PARVB: variants seen among roughly 807,000 people sequenced by gnomAD.
The protein encoded by PARVB is beta-parvin.
In PARVB, 46 loss-of-function variants were observed where a neutral mutation model predicts 47.0. The ratio of observed to expected loss-of-function variants is 0.98; its 90% CI spans 0.77 to 1.25. The LOEUF (loss-of-function observed/expected upper bound fraction) is 1.25. Ranked by LOEUF, PARVB falls within the 50% of genes most tolerant of loss-of-function variation. PARVB has a pLI of 0.00. For missense variants in PARVB, 473 were observed against 471.6 expected (o/e 1.00, Z -0.03); for synonymous variants, 196 against 196.3 (o/e 1.00, Z 0.01).
intron 1 of PARVB, among the ~76,000 whole-genome samples, chr22:44,035,741 G>C (rs2146904921): frequency 6.6e-6 from 1 of 151,930 alleles, no homozygotes; most frequent in Admixed American, 6.6e-5. Flanking sequence ...TGTTATTCAG[G>C]GTTTACGGTA....
intron 1 of PARVB, among the ~76,000 whole-genome samples, chr22:44,025,583 G>T (rs972707564): frequency 1.3e-5 from 2 of 152,162 alleles, no homozygotes; most frequent in African/African-American, 4.8e-5. Flanking sequence ...TTCCAAGAGG[G>T]CAGGGTCTTG....
At chr22:44,003,457 C>A (rs973801963) in intron 2 of PARVB, among the ~76,000 whole-genome samples, 1 of 152,096 alleles carries the variant, frequency 6.6e-6, no homozygotes, top group African/African-American at 2.4e-5. Context: ...AATGGAATTT[C>A]CTGGGATGTT....
At chr22:44,080,757 G>T (rs910289628) in intron 1 of PARVB, among the ~76,000 whole-genome samples, 1 of 152,168 alleles carries the variant, frequency 6.6e-6, no homozygotes, top group Non-Finnish European at 1.5e-5. Context: ...AGAGAGAATG[G>T]TAGAGTCCCG....
intron 4 of PARVB, 95 bp downstream of exon 4, chr22:44,119,235 A>C (rs2052985637): frequency 8.2e-6 from 7 of 855,436 alleles, no homozygotes; most frequent in Non-Finnish European, 1.4e-5. Flanking sequence ...CATCGGCCAC[A>C]GGTCCTAGGA....
chr22:44,149,777 C>T (rs2053762481), intron 9 of PARVB: 1 of 122,772 alleles, frequency 8.1e-6, no homozygotes, highest in Non-Finnish European at 1.7e-5. Flanking sequence ...GGGTGGAGCT[C>T]TCTGTGTTTG....
rs1007443237 is a variant in PARVB, at chr22:44,125,062, G to A, written c.376+5922G>A. Among the ~76,000 whole-genome samples the A allele has an allele frequency of 3.9e-5, 6 of 152,028 alleles. No homozygotes were observed. The highest frequency in any genetic ancestry group is 2.0e-4 in the Admixed American group (3 of 15,256). On this transcript the variant is annotated intron_variant, in intron 4 of 12. Coordinates refer to ENST00000338758, the MANE Select transcript of PARVB (RefSeq NM_013327.5). This position sits in a 1 kb window ranked among gnomAD's most constrained non-coding sequence, Gnocchi z 4.1. ...TCCTAGGCTTGTGACAGGTGGTGGT[G>A]AGGGTGGGGGGATGAGGTGCTGGGG...
upstream of PARVB, among the ~76,000 whole-genome samples, chr22:44,021,551 A>G (rs1157470075): frequency 1.3e-5 from 2 of 152,156 alleles, no homozygotes; most frequent in Non-Finnish European, 2.9e-5. Flanking sequence ...CCAAGGAAAA[A>G]AGAACAAATA....
chr22:44,023,572 T>G (rs140708566), upstream of PARVB, among the ~76,000 whole-genome samples: 1 of 146,382 alleles, frequency 6.8e-6, no homozygotes, highest in South Asian at 2.1e-4. Flanking sequence ...TAAAATAAAA[T>G]AAAATAAAAT....
In PARVB at chr22:44,170,377, C is replaced by T. The variant is rs1003838996; in HGVS notation, c.*1699C>T. On this transcript the variant is annotated 3_prime_UTR_variant, in exon 13 of 13. Coordinates refer to ENST00000338758, the MANE Select transcript of PARVB (RefSeq NM_013327.5). Reference sequence around the variant, plus strand: ...ATATGACCTCATTTAATCTTGATTACCTCCATAAAGACCCTGTCTCCAAAT... The same window carrying T: ...ATATGACCTCATTTAATCTTGATTATCTCCATAAAGACCCTGTCTCCAAAT... 2.0e-5 allele frequency: 3 copies of T among 152,070 alleles called. No individual in the cohort carries two copies. The highest frequency in any genetic ancestry group is 4.4e-5 in the Non-Finnish European group (3 of 68,006). The allele number at this position is 152,070 out of a possible 1,614,324, so 9.4% of individuals were successfully genotyped here.
Position 44,132,926 on chromosome 22 carries a change from C to CGGGAAG in PARVB, c.550_551insGGGAAG (p.His184delinsArgGluAsp). On this transcript the variant is annotated protein_altering_variant, in exon 6 of 13. Transcript: ENST00000338758. ...CGGGAAGAACCTGGTGGCCATCCTC[C>CGGGAAG]ACCTGCTGGTCTCTCTGGCCATGCA... 1 of 1,614,022 alleles carries CGGGAAG rather than the reference C, an allele frequency of 6.2e-7. No individual in the cohort carries two copies. The highest frequency in any genetic ancestry group is 8.5e-7 in the Non-Finnish European group (1 of 1,179,902).
In PARVB at chr22:44,125,161, C is replaced by G. The variant is rs1358736425; in HGVS notation, c.376+6021C>G. 1.3e-5 allele frequency among the ~76,000 whole-genome samples: 2 copies of G among 152,096 alleles called. No homozygotes were observed. Among genetic ancestry groups the G allele is most frequent in the African/African-American group, 4.8e-5 (2 of 41,408 alleles). ...ACATTGTTTGTCCTTATTCATCTGG[C>G]CCTCAGAAAGTATATTTGGAGGGAA... On this transcript the variant is annotated intron_variant, in intron 4 of 12. Coordinates refer to ENST00000338758, the MANE Select transcript of PARVB (RefSeq NM_013327.5). The surrounding 1 kb of genome is among the most constrained non-coding windows in gnomAD (Gnocchi z 4.1).
chr22:44,016,373 G>A (rs1603423038), intron 2 of PARVB, among the ~76,000 whole-genome samples: 3 of 152,232 alleles, frequency 2.0e-5, no homozygotes, highest in African/African-American at 7.2e-5. Flanking sequence ...TGGGATTACA[G>A]GCATGAGCCA....
chr22:44,054,143 A>T (rs2051261120), intron 1 of PARVB, among the ~76,000 whole-genome samples: 1 of 152,090 alleles, frequency 6.6e-6, no homozygotes, highest in African/African-American at 2.4e-5. Flanking sequence ...ATTACTTACA[A>T]TCTGATGAGA....
At chr22:44,019,628 C>T (rs555327174), upstream of PARVB, among the ~76,000 whole-genome samples, 19 of 152,312 alleles carry the variant, frequency 1.2e-4, no homozygotes, top group African/African-American at 4.3e-4. Flanking sequence ...GCTGCTTCTC[C>T]TGGCAAAAGG....
rs371483821 is a variant in PARVB, at chr22:44,113,804, T to C, written c.274-5234T>C. On this transcript the variant is annotated intron_variant, in intron 3 of 12. Coordinates refer to ENST00000338758, the MANE Select transcript of PARVB (RefSeq NM_013327.5). The stretch of plus-strand genomic sequence containing the variant: ...TACATTGTTACTAACTAAGGCCCTG[T>C]ACCAACACAGATACGTTGTTACTAA... 95 of 33,888 alleles carry C rather than the reference T, an allele frequency of 2.8e-3. 1 individual carries two copies. Among genetic ancestry groups the C allele is most frequent in the East Asian group, 5.1e-3 (4 of 784 alleles). 2.1% of individuals were successfully genotyped at this position (33,888 alleles called of 1,614,324 possible). A position where few individuals can be genotyped will look rare whatever the true frequency, so the allele number is the denominator to read the frequency against.
intron 1 of PARVB, among the ~76,000 whole-genome samples, chr22:44,066,822 CTTCCTCCTCCAT>C (rs1569088073): frequency 8.6e-6 from 1 of 116,096 alleles, no homozygotes; most frequent in Non-Finnish European, 1.8e-5. Flanking sequence ...TCCTCCTCCT[CTTCCTCCTCCAT>C]CTCCTCCTCT....
chr22:44,128,971 G>A (rs576486171), intron 4 of PARVB, among the ~76,000 whole-genome samples: 13 of 152,268 alleles, frequency 8.5e-5, no homozygotes, highest in Middle Eastern at 3.4e-3. Flanking sequence ...CCAGCTACTC[G>A]GGAGGCTGAG....
chr22:44,139,957 G>T (rs992986295), intron 7 of PARVB, 167 bp from the exon 8 acceptor site: 2 of 493,512 alleles, frequency 4.1e-6, no homozygotes, highest in Non-Finnish European at 7.5e-6. Flanking sequence ...ATTAGAGCAG[G>T]CTGGAACACA....
chr22:44,076,458 C>T (rs946382264), intron 1 of PARVB, among the ~76,000 whole-genome samples: 3 of 152,222 alleles, frequency 2.0e-5, no homozygotes, highest in Non-Finnish European at 4.4e-5. Flanking sequence ...ACAGGCTCTT[C>T]CCTCCGGAGG....
Sources: allele counts gnomAD v4.1 joint callset (sites outside exome capture counted in the v4.1 genomes callset), GRCh38; gene constraint gnomAD v4.1.1; non-coding constraint Gnocchi (gnomAD v3.1); transcripts MANE v1.5; gene names NCBI Gene and HGNC (gene_info 2026-07-23, HGNC 2026-07-21).